The following MTNAP1 variants were observed in gnomAD, a reference collection of about 807,000 sequenced individuals.
MTNAP1 encodes the protein mitochondrial nucleoid-associated protein 1.
the MTNAP1 span, among the ~76,000 whole-genome samples, chr17:73,239,419 G>A: frequency 2.2e-4 from 34 of 152,118 alleles, no homozygotes; most frequent in African/African-American, 8.0e-4. Flanking sequence ...TATGACTATC[G>A]TTATGCTAGA....
the MTNAP1 span, among the ~76,000 whole-genome samples, chr17:73,234,407 G>A: frequency 6.6e-6 from 1 of 151,752 alleles, no homozygotes; most frequent in South Asian, 2.1e-4. Flanking sequence ...GAAACTATAA[G>A]TAGGCCAGGC....
At chr17:73,236,732 C>T in the MTNAP1 span, 4 of 1,614,202 alleles carry the variant, frequency 2.5e-6, no homozygotes, top group East Asian at 8.9e-5. Context: ...GAGCCCAAAT[C>T]TGATAGTCAG....
At chr17:73,244,808 C>T in the MTNAP1 span, 9 of 186,608 alleles carry the variant, frequency 4.8e-5, no homozygotes, top group East Asian at 1.1e-3. Flanking sequence ...GGCGGCAGCA[C>T]TCCTGCATGC....
At chr17:73,242,060 AT>A in the MTNAP1 span, among the ~76,000 whole-genome samples, 1 of 152,060 alleles carries the variant, frequency 6.6e-6, no homozygotes, top group Admixed American at 6.6e-5. Flanking sequence ...TTTGAAAAAC[AT>A]TTTTTCAACC....
the MTNAP1 span, chr17:73,236,497 G>A: frequency 1.9e-6 from 3 of 1,614,194 alleles, no homozygotes; most frequent in Admixed American, 3.3e-5. Context: ...CAACACCAGG[G>A]ATTCAGTCAC....
chr17:73,242,667 C>T, the MTNAP1 span, among the ~76,000 whole-genome samples: 1 of 152,162 alleles, frequency 6.6e-6, no homozygotes, highest in Non-Finnish European at 1.5e-5. Context: ...GTTGTATTAG[C>T]CTCCTCCCAC....
chr17:73,235,552 C>T, the MTNAP1 span: 3 of 1,614,002 alleles, frequency 1.9e-6, no homozygotes, highest in Non-Finnish European at 2.5e-6. Flanking sequence ...ATTAAAATCC[C>T]ACTTGCCATA....
At chr17:73,240,202 G>A in the MTNAP1 span, among the ~76,000 whole-genome samples, 1 of 152,220 alleles carries the variant, frequency 6.6e-6, no homozygotes, top group Non-Finnish European at 1.5e-5. Context: ...CTTCCAAATA[G>A]TGGTGAGAAA....
At chr17:73,236,023 T>C in the MTNAP1 span, 4 of 1,614,174 alleles carry the variant, frequency 2.5e-6, no homozygotes, top group Non-Finnish European at 3.4e-6. Flanking sequence ...AATAGAACCT[T>C]CTTTGTCAAA....
the MTNAP1 span, chr17:73,235,602 A>G: frequency 6.2e-7 from 1 of 1,614,200 alleles, no homozygotes; most frequent in East Asian, 2.2e-5. Context: ...CTGATCAAAA[A>G]GTTTATCAGT....
At chr17:73,236,702 C>G in the MTNAP1 span, 1 of 1,613,990 alleles carries the variant, frequency 6.2e-7, no homozygotes, top group African/African-American at 1.3e-5. Flanking sequence ...ATGGAGAGTC[C>G]CGAGGGACAG....
chr17:73,235,278 C>G, the MTNAP1 span, among the ~76,000 whole-genome samples: 9 of 152,084 alleles, frequency 5.9e-5, 1 homozygote, highest in South Asian at 1.7e-3. Flanking sequence ...TTATTCTTTA[C>G]CATTCTGTCC....
chr17:73,244,284 C>T, the MTNAP1 span, among the ~76,000 whole-genome samples: 2 of 152,046 alleles, frequency 1.3e-5, no homozygotes, highest in Admixed American at 6.5e-5. Context: ...ATTTTGGGGC[C>T]GGGCGCGGTG....
the MTNAP1 span, among the ~76,000 whole-genome samples, chr17:73,233,738 C>T: frequency 2.0e-5 from 3 of 152,260 alleles, no homozygotes; most frequent in South Asian, 4.1e-4. Flanking sequence ...GTGGCGCACG[C>T]CCTTAATCCC....
chr17:73,237,552 G>A, the MTNAP1 span, among the ~76,000 whole-genome samples: 2 of 152,136 alleles, frequency 1.3e-5, no homozygotes, highest in Non-Finnish European at 1.5e-5. Context: ...GCAGGCTGGC[G>A]ATACTGAAAG....
chr17:73,236,244 C>T, the MTNAP1 span: 8 of 1,614,162 alleles, frequency 5.0e-6, no homozygotes, highest in South Asian at 1.1e-5. Flanking sequence ...ATTCCAAAGG[C>T]AGGGATCACC....
chr17:73,243,096 T>TGG, the MTNAP1 span: 2 of 995,258 alleles, frequency 2.0e-6, no homozygotes, highest in African/African-American at 3.3e-5. Context: ...TTTTTTTTTT[T>TGG]TTTTTACAGC....
the MTNAP1 span, chr17:73,236,620 G>A: frequency 1.2e-6 from 2 of 1,614,164 alleles, no homozygotes; most frequent in Non-Finnish European, 1.7e-6. Flanking sequence ...TGCCTCTCTA[G>A]CTACAACATT....
At chr17:73,238,476 G>A in the MTNAP1 span, among the ~76,000 whole-genome samples, 1 of 152,126 alleles carries the variant, frequency 6.6e-6, no homozygotes, top group African/African-American at 2.4e-5. Context: ...TATTTGCCTG[G>A]TCTCAAAATG....
Sources: allele counts gnomAD v4.1 joint callset (sites outside exome capture counted in the v4.1 genomes callset), GRCh38; gene constraint gnomAD v4.1.1; transcripts MANE v1.5; gene names NCBI Gene and HGNC (gene_info 2026-07-23, HGNC 2026-07-21).